The following FANCD2 variants were observed in gnomAD, a reference collection of about 807,000 sequenced individuals.
FANCD2 encodes the protein FA complementation group D2.
Under a neutral mutation model 192.3 loss-of-function variants are expected in FANCD2, and 131 were observed. The ratio of observed to expected loss-of-function variants is 0.68; its 90% CI spans 0.59 to 0.79. The LOEUF (loss-of-function observed/expected upper bound fraction) is 0.79, where lower values mean the gene tolerates loss of function less well. Among genes scored for constraint, FANCD2 ranks in the 30% least tolerant of loss-of-function variants. The pLI is 0.00. For synonymous variants in FANCD2, 524 were observed against 612.5 expected, an observed-to-expected ratio of 0.86 and a Z score of 2.13; for missense variants, 1,508 against 1,701.6, an observed-to-expected ratio of 0.89 and a Z score of 2.00.
intron 7 of FANCD2, among the ~76,000 whole-genome samples, chr3:10,036,931 G>A (rs888906512): frequency 6.6e-6 from 1 of 151,898 alleles, no homozygotes; most frequent in Non-Finnish European, 1.5e-5. Flanking sequence ...CACCTCCCAG[G>A]CTTAAGTGAT....
chr3:10,099,443 C>A (rs920939039), intron 43 of FANCD2: 1 of 553,628 alleles, frequency 1.8e-6, no homozygotes, highest in Non-Finnish European at 2.4e-6. Context: ...CACAACATAA[C>A]AAGACCCTAT....
At chr3:10,030,276 T>C (rs1465096331) in intron 2 of FANCD2, among the ~76,000 whole-genome samples, 1 of 151,602 alleles carries the variant, frequency 6.6e-6, no homozygotes, top group East Asian at 2.0e-4. Context: ...TTTGTATTTT[T>C]AGTAGAGAAG....
intron 3 of FANCD2, among the ~76,000 whole-genome samples, chr3:10,033,502 A>G (rs908213204): frequency 6.6e-6 from 1 of 152,014 alleles, no homozygotes; most frequent in Non-Finnish European, 1.5e-5. Context: ...AAAATATTAT[A>G]TATTATTTAT....
intron 18 of FANCD2, among the ~76,000 whole-genome samples, chr3:10,054,462 TATATATATATA>T (rs1348726192): frequency 3.6e-5 from 1 of 27,590 alleles, no homozygotes; most frequent in African/African-American, 1.3e-4. Context: ...TATATATATA[TATATATATATA>T]TTTTTTTTTT....
intron 7 of FANCD2, among the ~76,000 whole-genome samples, chr3:10,038,165 T>C (rs973950932): frequency 6.6e-6 from 1 of 152,144 alleles, no homozygotes; most frequent in African/African-American, 2.4e-5. Flanking sequence ...TAATTTTTGG[T>C]ATTTTTAGTA....
chr3:10,027,089 C>G (rs1406579391), intron 1 of FANCD2, among the ~76,000 whole-genome samples: 1 of 152,178 alleles, frequency 6.6e-6, no homozygotes, highest in Non-Finnish European at 1.5e-5. Flanking sequence ...TGAAACAGTT[C>G]TTGTTAGCTT....
intron 32 of FANCD2, 108 bp downstream of exon 32, chr3:10,081,572 G>A: frequency 1.2e-6 from 1 of 831,434 alleles, no homozygotes; most frequent in Non-Finnish European, 2.1e-6. Context: ...AAAATCTTAT[G>A]TGAATATGGT....
chr3:10,101,275 T>C lies in FANCD2; in HGVS notation c.*13T>C, dbSNP rs2125105722. 6.3e-7 allele frequency: 1 copy of C among 1,589,784 alleles called. No individual in the cohort carries two copies. The highest frequency in any genetic ancestry group is 8.6e-7 in the Non-Finnish European group (1 of 1,157,622). ...TGACTCTGATTAGACCCCAGATAAA[T>C]TGTTGCCTGCTTCTGTGTCTCTGCC... On this transcript the variant is annotated 3_prime_UTR_variant, in exon 44 of 44. Coordinates refer to ENST00000675286, the MANE Select transcript of FANCD2 (RefSeq NM_001018115.3).
chr3:10,077,958 C>T (rs971243361), intron 29 of FANCD2, 123 bp from the exon 30 acceptor site: 8 of 766,130 alleles, frequency 1.0e-5, no homozygotes, highest in Non-Finnish European at 1.9e-5. Flanking sequence ...AACTTGGGCC[C>T]AGGAGTTCAA....
intron 26 of FANCD2, 28 bp downstream of exon 26, chr3:10,067,345 A>C (rs1202754902): frequency 1.5e-6 from 2 of 1,328,440 alleles, no homozygotes; most frequent in Admixed American, 1.7e-5. Flanking sequence ...TACTGGTAGT[A>C]CTACTAGGCC....
At position 10,049,494 on chromosome 3, in the gene FANCD2, G is replaced by C. The variant is rs749868748; in HGVS notation, c.1534G>C (p.Val512Leu). Residue 512 changes from valine (V) to leucine (L), a missense_variant, in exon 17 of 44, where the codon GTC (valine) becomes CTC (leucine). By Grantham distance (32) the Val-to-Leu change is conservative. Transcript: ENST00000675286. ...CCCATCTGCTATGATGATGAATGCT[G>C]TCTTTGTAAAGGTATCTTATTGGCT... is the stretch of plus-strand genomic sequence containing the variant. ...LNPSAMMMNA[V>L]FVKGILDYLD... is the part of the protein sequence containing the mutation. The C allele has an allele frequency of 2.6e-5, 41 of 1,602,304 alleles. No individual in the cohort carries two copies. Among genetic ancestry groups the C allele is most frequent in the Non-Finnish European group, 3.2e-5 (38 of 1,170,870 alleles).
At chr3:10,090,684 T>G (rs1187014790) in intron 37 of FANCD2, among the ~76,000 whole-genome samples, 1 of 152,152 alleles carries the variant, frequency 6.6e-6, no homozygotes, top group Non-Finnish European at 1.5e-5. Context: ...AGTCTCGAAC[T>G]CCTGACTTCA....
intron 32 of FANCD2, among the ~76,000 whole-genome samples, chr3:10,083,380 A>G (rs1186898246): frequency 6.6e-6 from 1 of 152,246 alleles, no homozygotes; most frequent in East Asian, 1.9e-4. Context: ...AGATAGCACA[A>G]CACACTCACT....
intron 18 of FANCD2, among the ~76,000 whole-genome samples, chr3:10,053,443 G>T (rs1393481475): frequency 6.6e-6 from 1 of 151,242 alleles, no homozygotes; most frequent in African/African-American, 2.4e-5. Context: ...CGAGTTAGTG[G>T]GTGCAGCACA....
At chr3:10,075,728 C>CT (rs71052292) in intron 29 of FANCD2, among the ~76,000 whole-genome samples, 64,522 of 106,482 alleles carry the variant, frequency 0.61, 23,224 homozygotes, top group South Asian at 0.8. Context: ...AAATAGTATC[C>CT]TTTTTTTTTT....
At chr3:10,088,730 C>T in intron 35 of FANCD2, 98 bp from the exon 36 acceptor site, 1 of 1,341,196 alleles carries the variant, frequency 7.5e-7, no homozygotes. Context: ...TGTTAGCTAA[C>T]TGCTTATTGT....
intron 4 of FANCD2, 73 bp downstream of exon 4, chr3:10,034,609 A>T: frequency 6.7e-7 from 1 of 1,498,984 alleles, no homozygotes; most frequent in Non-Finnish European, 9.3e-7. Context: ...GGACACTGGT[A>T]TAAAGTTGAG....
At chr3:10,100,491 C>G (rs1695237554) in intron 43 of FANCD2, among the ~76,000 whole-genome samples, 1 of 152,192 alleles carries the variant, frequency 6.6e-6, no homozygotes, top group Non-Finnish European at 1.5e-5. Flanking sequence ...CCTGCCTCAG[C>G]CTTCCAAGTA....
chr3:10,034,844 G>T, intron 5 of FANCD2, 46 bp downstream of exon 5: 1 of 1,395,178 alleles, frequency 7.2e-7, no homozygotes, highest in African/African-American at 1.4e-5. Context: ...AGTCTGTTTT[G>T]CCAACTTCAT....
Sources: gnomAD v4.1 joint callset for allele counts (sites outside exome capture counted in the v4.1 genomes callset) on GRCh38, gnomAD v4.1.1 for gene constraint, MANE v1.5 for transcripts, NCBI Gene and HGNC (gene_info 2026-07-23, HGNC 2026-07-21) for gene names.